VWC2: variants seen among roughly 807,000 people sequenced by gnomAD.
VWC2 encodes brorin.
In VWC2, 14 loss-of-function variants were observed where a neutral mutation model predicts 29.8. The observed-to-expected ratio is 0.47, with a 90% CI of 0.31 to 0.74. VWC2 has a LOEUF of 0.74. Among genes scored for constraint, VWC2 ranks in the 30% least tolerant of loss-of-function variants. The probability of loss-of-function intolerance (pLI) is 0.05; values close to 1 mark genes in which losing one functional copy is unlikely to be tolerated. For missense variants in VWC2, 457 were observed against 459.8 expected, an observed-to-expected ratio of 0.99 and a Z score of 0.05; for synonymous variants, 213 against 199.0, an observed-to-expected ratio of 1.07 and a Z score of -0.59.
chr7:49,823,478 C>T (rs1789312914), intron 3 of VWC2, among the ~76,000 whole-genome samples: 1 of 152,156 alleles, frequency 6.6e-6, no homozygotes, highest in Admixed American at 6.5e-5. Flanking sequence ...TTCTGTATGG[C>T]AAGCGGGGTG....
At chr7:49,849,261 T>A (rs1468794969) in intron 3 of VWC2, among the ~76,000 whole-genome samples, 1 of 152,218 alleles carries the variant, frequency 6.6e-6, no homozygotes, top group East Asian at 1.9e-4. Context: ...ATGAATGAAT[T>A]TCCCCGAGGA....
intron 3 of VWC2, among the ~76,000 whole-genome samples, chr7:49,844,268 G>A (rs759478398): frequency 3.3e-5 from 5 of 152,258 alleles, no homozygotes; most frequent in South Asian, 4.2e-4. Flanking sequence ...GAAGGGCGTC[G>A]ATTCTATCCT....
At chr7:49,906,051 A>G (rs189822508) in intron 3 of VWC2, among the ~76,000 whole-genome samples, 135 of 152,348 alleles carry the variant, frequency 8.9e-4, no homozygotes, top group African/African-American at 2.8e-3. Flanking sequence ...TGTTTAGCAT[A>G]TAATCAAGAA....
chr7:49,864,980 A>G (rs1790818088), intron 3 of VWC2, among the ~76,000 whole-genome samples: 1 of 151,324 alleles, frequency 6.6e-6, no homozygotes, highest in African/African-American at 2.4e-5. Context: ...TCCTGTGGGA[A>G]GAATGGGAGG....
chr7:49,839,584 A>G (rs1789745044), intron 3 of VWC2, among the ~76,000 whole-genome samples: 1 of 151,420 alleles, frequency 6.6e-6, no homozygotes, highest in Non-Finnish European at 1.5e-5. Flanking sequence ...TGGCTGGAGG[A>G]TTACCACCTT....
intron 3 of VWC2, among the ~76,000 whole-genome samples, chr7:49,910,404 A>G (rs1246082334): frequency 6.6e-6 from 1 of 152,232 alleles, no homozygotes; most frequent in Non-Finnish European, 1.5e-5. Context: ...GGTTGTGAGC[A>G]CATTATCAAA....
chr7:49,811,864 T>A (rs1789017778), intron 3 of VWC2, among the ~76,000 whole-genome samples: 1 of 152,210 alleles, frequency 6.6e-6, no homozygotes, highest in African/African-American at 2.4e-5. Context: ...TATGCAAATG[T>A]TCCTAGCAGA....
chr7:49,889,764 C>T (rs1363144278), intron 3 of VWC2, among the ~76,000 whole-genome samples: 1 of 152,154 alleles, frequency 6.6e-6, no homozygotes, highest in Non-Finnish European at 1.5e-5. Context: ...ACCTGATTAA[C>T]ATATTTTGAA....
chr7:49,871,335 C>A (rs1000673060), intron 3 of VWC2, among the ~76,000 whole-genome samples: 1 of 152,092 alleles, frequency 6.6e-6, no homozygotes, highest in Non-Finnish European at 1.5e-5. Context: ...AAAACCCCTG[C>A]GCATTAAGGT....
chr7:49,826,324 A>C (rs575894622), intron 3 of VWC2, among the ~76,000 whole-genome samples: 1 of 152,314 alleles, frequency 6.6e-6, no homozygotes, highest in South Asian at 2.1e-4. Flanking sequence ...TTCACATATA[A>C]AATTTTGTAT....
intron 2 of VWC2, among the ~76,000 whole-genome samples, chr7:49,794,853 A>G (rs1015733814): frequency 1.3e-5 from 2 of 152,000 alleles, no homozygotes; most frequent in Non-Finnish European, 2.9e-5. Context: ...ACCTGTCCCA[A>G]TCCTTCCCAC....
intron 2 of VWC2, among the ~76,000 whole-genome samples, chr7:49,789,430 G>T (rs1256651432): frequency 2.6e-5 from 4 of 151,732 alleles, no homozygotes; most frequent in Non-Finnish European, 4.4e-5. Flanking sequence ...CCCCCCATTG[G>T]CCACAGTCCC....
intron 3 of VWC2, among the ~76,000 whole-genome samples, chr7:49,853,281 C>T (rs1194253948): frequency 1.3e-5 from 2 of 152,212 alleles, no homozygotes; most frequent in African/African-American, 2.4e-5. Context: ...TGTAGTCTCC[C>T]TTAGGAACCT....
chr7:49,805,213 G>A lies in VWC2; in HGVS notation c.826+2373G>A, dbSNP rs1017967078. Among the ~76,000 whole-genome samples the A allele has an allele frequency of 2.0e-5, 3 of 152,258 alleles. No homozygotes were observed. The South Asian group carries it at 6.2e-4, about 32-fold the overall frequency. Reference sequence around the variant, plus strand: ...GGTTTTGGGAGATGGTTGTTGTCCTGATGGTAAACTTCTAAATGTTGACCC... The same window carrying A: ...GGTTTTGGGAGATGGTTGTTGTCCTAATGGTAAACTTCTAAATGTTGACCC... On this transcript the variant is annotated intron_variant, in intron 3 of 3. Coordinates refer to ENST00000340652, the MANE Select transcript of VWC2 (RefSeq NM_198570.5).
intron 3 of VWC2, among the ~76,000 whole-genome samples, chr7:49,896,306 A>C (rs1782371845): frequency 6.6e-6 from 1 of 152,188 alleles, no homozygotes; most frequent in Non-Finnish European, 1.5e-5. Flanking sequence ...GCACCACTGC[A>C]CTCTACCCTG....
intron 3 of VWC2, among the ~76,000 whole-genome samples, chr7:49,889,376 C>T (rs187965418): frequency 6.6e-6 from 1 of 152,316 alleles, no homozygotes. Flanking sequence ...ATAATTTAAA[C>T]ATATCATGGC....
intron 2 of VWC2, among the ~76,000 whole-genome samples, chr7:49,779,412 T>C (rs996800046): frequency 1.1e-4 from 16 of 152,132 alleles, no homozygotes; most frequent in African/African-American, 3.4e-4. Flanking sequence ...ATAATGAGAG[T>C]AATGTGTTCA....
intron 3 of VWC2, among the ~76,000 whole-genome samples, chr7:49,834,282 C>T (rs896278453): frequency 1.2e-4 from 18 of 152,204 alleles, no homozygotes; most frequent in Non-Finnish European, 2.6e-4. Flanking sequence ...CTCTTGTCCT[C>T]TATTCATTAT....
chr7:49,882,301 T>A (rs187372550), intron 3 of VWC2, among the ~76,000 whole-genome samples: 1 of 152,292 alleles, frequency 6.6e-6, no homozygotes, highest in Admixed American at 6.5e-5. Context: ...CTGCTAAGCC[T>A]TCCTCACTTT....
Sources: allele counts gnomAD v4.1 joint callset (sites outside exome capture counted in the v4.1 genomes callset), GRCh38; gene constraint gnomAD v4.1.1; transcripts MANE v1.5; gene names NCBI Gene and HGNC (gene_info 2026-07-23, HGNC 2026-07-21).